The following CEP152 variants were observed in gnomAD, a reference collection of about 807,000 sequenced individuals.
The protein encoded by CEP152 is centrosomal protein 152.
In CEP152, 132 loss-of-function variants were observed where a neutral mutation model predicts 188.9. The observed-to-expected ratio is 0.70, with a 90% confidence interval of 0.61 to 0.81. The LOEUF (loss-of-function observed/expected upper bound fraction) is 0.81. CEP152 is among the 30% of genes least tolerant of loss of function. The pLI is 0.00. For synonymous variants in CEP152, 649 were observed against 666.6 expected (o/e 0.97, Z 0.41); for missense variants, 1,914 against 1,969.8 (o/e 0.97, Z 0.54).
At chr15:48,771,653 A>G (rs1424476076) in intron 13 of CEP152, among the ~76,000 whole-genome samples, 1 of 152,200 alleles carries the variant, frequency 6.6e-6, no homozygotes, top group Non-Finnish European at 1.5e-5. Context: ...AGTAACCAGA[A>G]AAAACATACA....
chr15:48,791,449 G>T, intron 7 of CEP152, 73 bp from the exon 8 acceptor site: 1 of 1,277,342 alleles, frequency 7.8e-7, no homozygotes, highest in Non-Finnish European at 1.1e-6. Flanking sequence ...CCAATCAGAT[G>T]TCACGTCTGT....
intron 10 of CEP152, chr15:48,783,220 C>T (rs1429919404): frequency 3.9e-5 from 6 of 152,066 alleles, no homozygotes; most frequent in Admixed American, 2.0e-4. Context: ...TTGTTCTTTG[C>T]TCTAATATCA....
In CEP152 at chr15:48,797,298, T is replaced by C. The variant is rs1204207791; in HGVS notation, c.540+3A>G. 6.2e-7 allele frequency: 1 copy of C among 1,613,958 alleles called. No homozygotes were observed. Among genetic ancestry groups the C allele is most frequent in the East Asian group, 2.2e-5 (1 of 44,880 alleles). On this transcript the variant is annotated splice_donor_region_variant and intron_variant, in intron 5 of 26. Transcript: ENST00000380950. Reference sequence around the variant, plus strand: ...GTTCTTGAAAGTCAAGTTTTTACAATACCTGAAAATGGTTCCATTGAGGAT... The same window carrying C: ...GTTCTTGAAAGTCAAGTTTTTACAACACCTGAAAATGGTTCCATTGAGGAT...
In CEP152 at chr15:48,752,418, C is replaced by A; in HGVS notation, c.3397G>T (p.Gly1133Ter). ...KDSASQGTGQ[G>*]DPGPAAGHHA... Reference sequence around the variant, plus strand: ...TGTCCAGCAGCAGGTCCAGGGTCTCCTTGGCCAGTGCCCTGGCTGGCAGAA... The same window carrying A: ...TGTCCAGCAGCAGGTCCAGGGTCTCATTGGCCAGTGCCCTGGCTGGCAGAA... The change falls in exon 21 of 27, where the codon GGA (glycine) becomes TGA (stop). Residue 1133 changes from glycine (G) to a stop codon, truncating the protein, a stop_gained. Transcript: ENST00000380950. LOFTEE classifies it high-confidence loss of function. The A allele has an allele frequency of 6.2e-7, 1 of 1,613,928 alleles. No individual in the cohort carries two copies. Among genetic ancestry groups the A allele is most frequent in the South Asian group, 1.1e-5 (1 of 91,068 alleles).
At chr15:48,753,475 T>C (rs1894031344) in intron 20 of CEP152, among the ~76,000 whole-genome samples, 1 of 152,196 alleles carries the variant, frequency 6.6e-6, no homozygotes, top group Admixed American at 6.5e-5. Context: ...ATTTTGATTA[T>C]GAGAAACCAC....
intron 21 of CEP152, among the ~76,000 whole-genome samples, chr15:48,751,300 T>C (rs1260652998): frequency 1.3e-5 from 2 of 152,208 alleles, no homozygotes; most frequent in Non-Finnish European, 2.9e-5. Context: ...AAAACTTGTT[T>C]CTACCCATTC....
At position 48,772,709 on chromosome 15, in the gene CEP152, A is replaced by T. The variant is rs1895649609; in HGVS notation, c.1578-18T>A. ...GTACAATGCTAATGGAGAAATTGTG[A>T]TTTTTAACATTAAATCAAGTAATAA... On this transcript the variant is annotated intron_variant, in intron 12 of 26. Transcript: ENST00000380950. 6.3e-7 allele frequency: 1 copy of T among 1,597,522 alleles called. No homozygotes were observed. Among genetic ancestry groups the T allele is most frequent in the African/African-American group, 1.3e-5 (1 of 74,532 alleles).
At chr15:48,783,522 G>GTA (rs1896412097) in intron 10 of CEP152, among the ~76,000 whole-genome samples, 1 of 151,762 alleles carries the variant, frequency 6.6e-6, no homozygotes, top group Non-Finnish European at 1.5e-5. Context: ...ACCCTATAAT[G>GTA]TATTTTATTG....
At chr15:48,797,201 T>C (rs1897349841) in intron 5 of CEP152, 100 bp downstream of exon 5, 1 of 1,367,330 alleles carries the variant, frequency 7.3e-7, no homozygotes, top group Non-Finnish European at 1.0e-6. Flanking sequence ...GGTTAAATCA[T>C]CTTACCATTG....
downstream of CEP152, among the ~76,000 whole-genome samples, chr15:48,734,291 GC>G (rs1454039145): frequency 1.3e-5 from 2 of 150,828 alleles, no homozygotes; most frequent in Non-Finnish European, 3.0e-5. Context: ...CTAAACTGGG[GC>G]AAAGTTGCTA....
At chr15:48,808,426 A>T (rs973336774) in intron 1 of CEP152, among the ~76,000 whole-genome samples, 34 of 151,890 alleles carry the variant, frequency 2.2e-4, no homozygotes, top group African/African-American at 8.0e-4. Context: ...AAATAAGAAT[A>T]AAAAAAATTT....
chr15:48,742,217 T>A, intron 24 of CEP152, 117 bp from the exon 25 acceptor site: 1 of 920,458 alleles, frequency 1.1e-6, no homozygotes, highest in Non-Finnish European at 1.8e-6. Flanking sequence ...AAGTATAGTT[T>A]AAACATTATA....
intron 2 of CEP152, among the ~76,000 whole-genome samples, chr15:48,800,675 C>T (rs1028475318): frequency 2.0e-5 from 3 of 152,048 alleles, no homozygotes; most frequent in African/African-American, 7.3e-5. Flanking sequence ...CATCAGACTG[C>T]TTTTTGGCAG....
At chr15:48,805,535 C>CTTT (rs372967874) in intron 2 of CEP152, 28 bp downstream of exon 2, 427 of 1,238,472 alleles carry the variant, frequency 3.4e-4, no homozygotes, top group Admixed American at 2.5e-3. Flanking sequence ...TTTAGTGTCT[C>CTTT]TTTTTTTTTT....
intron 17 of CEP152, among the ~76,000 whole-genome samples, chr15:48,766,743 G>A (rs529296880): frequency 8.9e-4 from 133 of 150,142 alleles, no homozygotes; most frequent in African/African-American, 3.1e-3. Context: ...AGTCAACACC[G>A]AAAATGAGGA....
chr15:48,777,162 A>T (rs569171562), intron 12 of CEP152, among the ~76,000 whole-genome samples: 1 of 152,224 alleles, frequency 6.6e-6, no homozygotes, highest in Admixed American at 6.5e-5. Context: ...CCCAGAACAG[A>T]AAAAGTATGT....
intron 19 of CEP152, 108 bp downstream of exon 19, chr15:48,760,027 G>A: frequency 7.0e-7 from 1 of 1,434,364 alleles, no homozygotes; most frequent in Admixed American, 1.7e-5. Context: ...GTATCAACAT[G>A]TTTATCCTTC....
Position 48,793,309 on chromosome 15 carries a change from C to T in CEP152, c.832+12G>A, listed in dbSNP as rs111917814. The T allele has an allele frequency of 1.6e-4, 264 of 1,613,546 alleles. 1 individual carries two copies. In the African/African-American group the frequency reaches 2.8e-3, roughly 17 times the overall value. On this transcript the variant is annotated intron_variant, in intron 7 of 26. Transcript: ENST00000380950. ...CAGTGTACCTCATAAATGACAGCAT[C>T]CAGCATCTTACCTTTTATTATTACA...
rs1897937406 is a variant in CEP152 at position 48,805,629 on chromosome 15, A to G, written c.21T>C (p.Ser7=). 1 of 1,612,400 alleles carries G rather than the reference A, an allele frequency of 6.2e-7. No homozygotes were observed. The highest frequency in any genetic ancestry group is 8.5e-7 in the Non-Finnish European group (1 of 1,179,632). The change falls in exon 2 of 27, where the codon AGT becomes AGC. Residue 7 remains serine (S), a synonymous_variant. Transcript: ENST00000380950. MSLDFG[S]VALPVQNEDE... Reference sequence around the variant, plus strand: ...CTTCATTTTGCACTGGTAGTGCCACACTGCCAAAGTCTAATGACATGGTCC... The same window carrying G: ...CTTCATTTTGCACTGGTAGTGCCACGCTGCCAAAGTCTAATGACATGGTCC...
Sources: gnomAD v4.1 joint callset for allele counts (sites outside exome capture counted in the v4.1 genomes callset) on GRCh38, gnomAD v4.1.1 for gene constraint, MANE v1.5 for transcripts, NCBI Gene and HGNC (gene_info 2026-07-23, HGNC 2026-07-21) for gene names.